The following RAB3IP variants were observed in gnomAD, a reference collection of about 807,000 sequenced individuals.
The protein encoded by RAB3IP is rab-3A-interacting protein.
In RAB3IP, 36 loss-of-function variants were observed where a neutral mutation model predicts 59.1. The ratio of observed to expected loss-of-function variants is 0.61; its 90% CI spans 0.47 to 0.80. RAB3IP has a LOEUF of 0.80. Ranked by LOEUF, RAB3IP falls within the 30% of genes least tolerant of loss-of-function variation. The pLI is 0.00. For synonymous variants in RAB3IP, 207 were observed against 191.2 expected, an observed-to-expected ratio of 1.08 and a Z score of -0.68; for missense variants, 511 against 536.0, an observed-to-expected ratio of 0.95 and a Z score of 0.46.
intron 1 of RAB3IP, chr12:69,739,491 C>G (rs1887049934): frequency 3.4e-6 from 1 of 292,510 alleles, no homozygotes. Flanking sequence ...TCGGAAGCAG[C>G]TCACAACACC....
intron 8 of RAB3IP, among the ~76,000 whole-genome samples, chr12:69,810,283 C>T (rs1300502393): frequency 6.6e-6 from 1 of 152,138 alleles, no homozygotes; most frequent in Non-Finnish European, 1.5e-5. Context: ...GAGTACCCGG[C>T]AGTGTGAGGT....
chr12:69,763,497 C>G (rs546064940), intron 3 of RAB3IP, among the ~76,000 whole-genome samples: 1 of 152,290 alleles, frequency 6.6e-6, no homozygotes, highest in Non-Finnish European at 1.5e-5. Context: ...TCTTGGTAGC[C>G]ATTGCTTTGA....
intron 3 of RAB3IP, among the ~76,000 whole-genome samples, chr12:69,771,722 G>T (rs1873150304): frequency 6.6e-6 from 1 of 152,122 alleles, no homozygotes. Context: ...CCTCCATACT[G>T]TTGTCTGTAA....
intron 10 of RAB3IP, among the ~76,000 whole-genome samples, chr12:69,813,470 C>A (rs374692196): frequency 6.6e-6 from 1 of 151,922 alleles, no homozygotes; most frequent in East Asian, 1.9e-4. Context: ...CTACTTTTTG[C>A]GTGTGAATTA....
intron 1 of RAB3IP, among the ~76,000 whole-genome samples, chr12:69,749,401 C>A (rs1158309721): frequency 6.6e-6 from 1 of 152,136 alleles, no homozygotes; most frequent in Non-Finnish European, 1.5e-5. Flanking sequence ...CGAAACTGGT[C>A]CCTGGGGCCA....
intron 2 of RAB3IP, among the ~76,000 whole-genome samples, chr12:69,756,030 T>C (rs1870162405): frequency 1.3e-5 from 2 of 152,254 alleles, no homozygotes; most frequent in African/African-American, 4.8e-5. Context: ...AATATTCTTT[T>C]AAAGATTTCT....
At chr12:69,807,507 G>C (rs1161205657) in intron 8 of RAB3IP, among the ~76,000 whole-genome samples, 138 of 141,716 alleles carry the variant, frequency 9.7e-4, no homozygotes, top group African/African-American at 3.4e-3. Context: ...CGGGCGGCCG[G>C]GCAGAGGCAC....
intron 1 of RAB3IP, among the ~76,000 whole-genome samples, chr12:69,750,863 A>G (rs987794338): frequency 6.6e-6 from 1 of 152,008 alleles, no homozygotes; most frequent in Non-Finnish European, 1.5e-5. Context: ...AGGTACTGTC[A>G]TTCTGATTGA....
chr12:69,768,363 T>C (rs7964403), intron 3 of RAB3IP, among the ~76,000 whole-genome samples: 32,343 of 152,196 alleles, frequency 0.21, 4,169 homozygotes, highest in Middle Eastern at 0.35. Context: ...AGAGCTCTGC[T>C]GCACCACAAT....
At chr12:69,767,088 A>G (rs191735600) in intron 3 of RAB3IP, among the ~76,000 whole-genome samples, 1 of 152,318 alleles carries the variant, frequency 6.6e-6, no homozygotes, top group East Asian at 1.9e-4. Flanking sequence ...GTTTCTCCTC[A>G]TCTGGAGATG....
At position 69,750,213 on chromosome 12, in the gene RAB3IP, T is replaced by C. The variant is rs115513765; in HGVS notation, c.-25-5171T>C. On this transcript the variant is annotated intron_variant, in intron 1 of 10. Coordinates refer to ENST00000247833, the MANE Select transcript of RAB3IP (RefSeq NM_022456.5). ...AGTGCTCAACGAATACTAGCTGTTATGGGAGGAGCCACCTTAACTTCCTGT... is the reference window on the plus strand; with the variant it reads ...AGTGCTCAACGAATACTAGCTGTTACGGGAGGAGCCACCTTAACTTCCTGT... 8.3e-3 allele frequency among the ~76,000 whole-genome samples: 1,267 copies of C among 152,266 alleles called. 23 individuals are homozygous for C. Among genetic ancestry groups the C allele is most frequent in the African/African-American group, 0.029 (1,205 of 41,558 alleles).
At chr12:69,787,183 T>A (rs1013556422) in intron 4 of RAB3IP, among the ~76,000 whole-genome samples, 4 of 152,136 alleles carry the variant, frequency 2.6e-5, no homozygotes, top group Admixed American at 1.3e-4. Context: ...TATCCTAATC[T>A]TCAATATAAT....
chr12:69,739,255 G>A lies in RAB3IP; in HGVS notation c.-26+224G>A, dbSNP rs542484778. On this transcript the variant is annotated intron_variant, in intron 1 of 10. Transcript: ENST00000247833. The stretch of plus-strand genomic sequence containing the variant: ...CTCCGGGCCCTTGGGGGCGGCGTGT[G>A]GGGGGGACTTTGGCGACCCGGGTCA... 2.6e-5 allele frequency: 4 copies of A among 152,044 alleles called. No homozygotes were observed. In the South Asian group the frequency reaches 8.3e-4, roughly 31 times the overall value. The allele number at this position is 152,044 out of a possible 1,614,324, so 9.4% of individuals were successfully genotyped here. A position where few individuals can be genotyped will look rare whatever the true frequency, so the allele number is the denominator to read the frequency against.
At chr12:69,802,597 T>C (rs113367211) in intron 8 of RAB3IP, among the ~76,000 whole-genome samples, 2,706 of 152,294 alleles carry the variant, frequency 0.018, 81 homozygotes, top group African/African-American at 0.062. Context: ...GCTTATTAAG[T>C]GCTTAGAGCC....
chr12:69,744,217 T>C (rs1181428147), intron 1 of RAB3IP, among the ~76,000 whole-genome samples: 6 of 152,132 alleles, frequency 3.9e-5, no homozygotes, highest in South Asian at 2.1e-4. Flanking sequence ...CTCCCACTTA[T>C]GAGTGAGAAC....
At chr12:69,772,568 A>G (rs772847277) in intron 3 of RAB3IP, among the ~76,000 whole-genome samples, 2 of 152,068 alleles carry the variant, frequency 1.3e-5, no homozygotes, top group Non-Finnish European at 2.9e-5. Context: ...TAGTGTATCT[A>G]TTGTAGGATT....
In RAB3IP at chr12:69,760,252, C is replaced by T. The variant is rs530151245; in HGVS notation, c.510+3589C>T. On this transcript the variant is annotated intron_variant, in intron 3 of 10. Transcript: ENST00000247833. Reference sequence around the variant, plus strand: ...AAAACCAGTCAGGCGTGGCGGCGTGCGCCTGCAATAGCAGGCACTCGGCAG... The same window carrying T: ...AAAACCAGTCAGGCGTGGCGGCGTGTGCCTGCAATAGCAGGCACTCGGCAG... Among the ~76,000 whole-genome samples, 175 of 152,372 alleles carry T rather than the reference C, an allele frequency of 1.1e-3. 1 individual carries two copies. Among genetic ancestry groups the T allele is most frequent in the African/African-American group, 2.1e-3 (89 of 41,600 alleles).
Sources: gnomAD v4.1 joint callset for allele counts (sites outside exome capture counted in the v4.1 genomes callset) on GRCh38, gnomAD v4.1.1 for gene constraint, MANE v1.5 for transcripts, NCBI Gene and HGNC (gene_info 2026-07-23, HGNC 2026-07-21) for gene names.